SFXN5: variants seen among roughly 807,000 people sequenced by gnomAD.
SFXN5 encodes the protein sideroflexin-5.
SFXN5 carries 43 observed loss-of-function variants against 50.2 expected under a neutral mutation model. That is an observed-to-expected ratio of 0.86 (90% CI 0.67 to 1.11). The LOEUF is 1.11. Ranked by LOEUF, SFXN5 falls within the 50% of genes least tolerant of loss-of-function variation. SFXN5 has a pLI of 0.00. For missense variants in SFXN5, 463 were observed against 454.1 expected (o/e 1.02, Z -0.18); for synonymous variants, 203 against 185.8 (o/e 1.09, Z -0.75).
chr2:73,052,752 A>T (rs1347316918), intron 2 of SFXN5, among the ~76,000 whole-genome samples: 1 of 152,198 alleles, frequency 6.6e-6, no homozygotes, highest in Non-Finnish European at 1.5e-5. Context: ...AGAGATCTAG[A>T]TCTAATTCCC....
intron 6 of SFXN5, among the ~76,000 whole-genome samples, chr2:73,006,558 G>A (rs781734299): frequency 4.8e-4 from 73 of 151,274 alleles, no homozygotes; most frequent in Non-Finnish European, 7.4e-4. Context: ...GGAGAAGGAG[G>A]TTGCAGTGAG....
At position 73,042,844 on chromosome 2, in the gene SFXN5, G is replaced by C. The variant is rs112040440; in HGVS notation, c.172-1913C>G. Among the ~76,000 whole-genome samples, 279 of 151,730 alleles carry C rather than the reference G, an allele frequency of 1.8e-3. 2 individuals carry two copies. Among genetic ancestry groups the C allele is most frequent in the African/African-American group, 5.2e-3 (215 of 41,322 alleles). On this transcript the variant is annotated intron_variant, in intron 2 of 13. Coordinates refer to ENST00000272433, the MANE Select transcript of SFXN5 (RefSeq NM_144579.3). ...CCACACCTGTAATCCCAGGACTTTGGGAGGCCAAGCAGGTGGATCACTTGA... is the reference window on the plus strand; with the variant it reads ...CCACACCTGTAATCCCAGGACTTTGCGAGGCCAAGCAGGTGGATCACTTGA...
intron 6 of SFXN5, among the ~76,000 whole-genome samples, chr2:73,005,566 C>A (rs1314557045): frequency 6.6e-6 from 1 of 152,190 alleles, no homozygotes; most frequent in Non-Finnish European, 1.5e-5. Context: ...CTGCAGCAAG[C>A]GCTCCCTGGA....
At chr2:73,067,694 G>A (rs768896117) in intron 1 of SFXN5, among the ~76,000 whole-genome samples, 2 of 152,174 alleles carry the variant, frequency 1.3e-5, no homozygotes, top group African/African-American at 4.8e-5. Context: ...TGTGGGGGGT[G>A]GGTGCATAGA....
At chr2:73,050,224 A>G (rs1681062332) in intron 2 of SFXN5, among the ~76,000 whole-genome samples, 2 of 151,966 alleles carry the variant, frequency 1.3e-5, no homozygotes, top group African/African-American at 4.8e-5. Flanking sequence ...TGGTGGCTCT[A>G]TTGTTCTGGG....
In SFXN5 at chr2:72,960,228, G is replaced by A. The variant is rs1250375568; in HGVS notation, c.945+903C>T. On this transcript the variant is annotated intron_variant, in intron 13 of 13. Transcript: ENST00000272433. The surrounding 1 kb of genome is among the most constrained non-coding windows in gnomAD (Gnocchi z 6.1). ...AACATCCCACAGGCTCCTCAACCCC[G>A]CGTGTCCATCCAACTGACCCACTGC... Among the ~76,000 whole-genome samples, 1 of 151,568 alleles carries A rather than the reference G, an allele frequency of 6.6e-6. No homozygotes were observed. Among genetic ancestry groups the A allele is most frequent in the East Asian group, 1.9e-4 (1 of 5,164 alleles).
chr2:72,991,233 G>A (rs1672560571), intron 9 of SFXN5, among the ~76,000 whole-genome samples: 1 of 152,256 alleles, frequency 6.6e-6, no homozygotes, highest in Non-Finnish European at 1.5e-5. Flanking sequence ...ACAGCCCAGA[G>A]TGTAGGGAGG....
In SFXN5 at chr2:72,944,720, A is replaced by G. The variant is rs1671742164; in HGVS notation, c.*302T>C. On this transcript the variant is annotated 3_prime_UTR_variant, in exon 14 of 14. Transcript: ENST00000272433. ...TATAAAAGGATTCTACTTCTACCCC[A>G]TGGGCACTCTACAATTTTTCAGCTT... 3 of 355,948 alleles carry G rather than the reference A, an allele frequency of 8.4e-6. No homozygotes were observed. The East Asian group carries it at 1.5e-4, about 17-fold the overall frequency. 22.0% of individuals were successfully genotyped at this position (355,948 alleles called of 1,614,324 possible). A position where few individuals can be genotyped will look rare whatever the true frequency, so the allele number is the denominator to read the frequency against.
intron 3 of SFXN5, among the ~76,000 whole-genome samples, chr2:73,035,205 T>C (rs1678819527): frequency 6.6e-6 from 1 of 152,180 alleles, no homozygotes; most frequent in Non-Finnish European, 1.5e-5. Context: ...TGGCTCACCA[T>C]GGGGAGGGGT....
chr2:72,961,152 G>A lies in SFXN5; in HGVS notation c.924C>T (p.Ser308=), dbSNP rs1287784151. The A allele has an allele frequency of 1.4e-5, 22 of 1,584,856 alleles. No homozygotes were observed. The highest frequency in any genetic ancestry group is 1.9e-5 in the Non-Finnish European group (22 of 1,167,122). The change falls in exon 13 of 14, where the codon AGC becomes AGT. Residue 308 remains serine, a synonymous_variant. Transcript: ENST00000272433. This position sits in a 1 kb window ranked among gnomAD's most constrained non-coding sequence, Gnocchi z 4.4. ...TGACCTCTGACATTTGCGGGAAGAG[G>A]CTGATGGCCAGCGGCAGGGCCAGGC... The part of the protein sequence containing the change: ...AFGLALPLAI[S]LFPQMSEIET...
At chr2:73,003,342 T>C (rs1192375684) in intron 6 of SFXN5, among the ~76,000 whole-genome samples, 2 of 152,286 alleles carry the variant, frequency 1.3e-5, no homozygotes, top group Admixed American at 1.3e-4. Context: ...CACTTACCCC[T>C]CGAACTGTAC....
chr2:72,956,890 G>T (rs960326224), intron 13 of SFXN5: 2 of 382,754 alleles, frequency 5.2e-6, no homozygotes, highest in Non-Finnish European at 1.1e-5. Context: ...TCTGAACAAA[G>T]AAGAAACTGA....
chr2:73,029,237 C>T (rs555698566), intron 3 of SFXN5, among the ~76,000 whole-genome samples: 79 of 152,322 alleles, frequency 5.2e-4, no homozygotes, highest in Admixed American at 1.6e-3. Flanking sequence ...TGAGTTGCAA[C>T]GGAGTCAGAT....
intron 13 of SFXN5, chr2:72,957,168 T>A (rs1360094700): frequency 2.3e-6 from 1 of 438,826 alleles, no homozygotes; most frequent in Non-Finnish European, 4.7e-6. Context: ...GTTCCGTATC[T>A]CCAGCCAAAC....
intron 1 of SFXN5, among the ~76,000 whole-genome samples, chr2:73,070,237 C>A (rs1447882482): frequency 1.3e-5 from 2 of 152,204 alleles, no homozygotes; most frequent in African/African-American, 4.8e-5. Flanking sequence ...TGGCCTCCTA[C>A]ACTGGAAGGA....
intron 2 of SFXN5, among the ~76,000 whole-genome samples, chr2:73,052,741 T>C (rs997595532): frequency 3.3e-5 from 5 of 152,222 alleles, no homozygotes; most frequent in Non-Finnish European, 5.9e-5. Flanking sequence ...GCCTTGTCTT[T>C]AGAGATCTAG....
At chr2:72,947,055 T>C (rs1325119713) in intron 13 of SFXN5, among the ~76,000 whole-genome samples, 1 of 152,184 alleles carries the variant, frequency 6.6e-6, no homozygotes, top group Admixed American at 6.5e-5. Context: ...TCATCATCTT[T>C]CGTGTCTCAG....
rs539770699 is a variant in SFXN5 at position 73,006,084 on chromosome 2, G to A, written c.358-4506C>T. The stretch of plus-strand genomic sequence containing the variant: ...ACAGCACGTGGGAGGACGTGGCAGC[G>A]TGTCAGTTCTGAGCCCTGGCTCAGA... On this transcript the variant is annotated intron_variant, in intron 6 of 13. Transcript: ENST00000272433. Among the ~76,000 whole-genome samples the A allele has an allele frequency of 3.9e-5, 6 of 152,226 alleles. No individual in the cohort carries two copies. In the East Asian group the frequency reaches 7.7e-4, roughly 20 times the overall value.
At chr2:72,979,163 G>C (rs1670992388) in intron 10 of SFXN5, among the ~76,000 whole-genome samples, 1 of 152,142 alleles carries the variant, frequency 6.6e-6, no homozygotes, top group Non-Finnish European at 1.5e-5. Flanking sequence ...ATGGCTTATG[G>C]TACATGCACA....
Sources: gnomAD v4.1 joint callset for allele counts (sites outside exome capture counted in the v4.1 genomes callset) on GRCh38, gnomAD v4.1.1 for gene constraint, Gnocchi (gnomAD v3.1) non-coding constraint, MANE v1.5 for transcripts, NCBI Gene and HGNC (gene_info 2026-07-23, HGNC 2026-07-21) for gene names.